The following PDE1A variants were observed in gnomAD, a reference collection of about 807,000 sequenced individuals.
PDE1A encodes phosphodiesterase 1A.
PDE1A carries 35 observed loss-of-function variants against 61.7 expected under a neutral mutation model. The observed-to-expected ratio is 0.57, with a 90% CI of 0.43 to 0.75. The LOEUF (loss-of-function observed/expected upper bound fraction) is 0.75. Among genes scored for constraint, PDE1A ranks in the 30% least tolerant of loss-of-function variants. The pLI is 0.00. For missense variants in PDE1A, 597 were observed against 630.6 expected (o/e 0.95, Z 0.57); for synonymous variants, 232 against 213.2 (o/e 1.09, Z -0.77).
intron 7 of PDE1A, among the ~76,000 whole-genome samples, chr2:182,208,092 G>A (rs1687263313): frequency 6.6e-6 from 1 of 152,232 alleles, no homozygotes; most frequent in Non-Finnish European, 1.5e-5. Context: ...TAGTAGGGCA[G>A]TGTGGAGGGG....
chr2:182,621,289 T>C, the PDE1A span, among the ~76,000 whole-genome samples: 1 of 152,206 alleles, frequency 6.6e-6, no homozygotes, highest in Non-Finnish European at 1.5e-5. Context: ...TAGGAGAATC[T>C]TTTGCTATCT....
intron 2 of PDE1A, among the ~76,000 whole-genome samples, chr2:182,256,667 G>A (rs1488255353): frequency 6.6e-6 from 1 of 152,004 alleles, no homozygotes; most frequent in Non-Finnish European, 1.5e-5. Context: ...ATACACCATG[G>A]AATACTATGC....
chr2:182,328,769 T>A (rs1697213501), intron 1 of PDE1A, among the ~76,000 whole-genome samples: 1 of 152,184 alleles, frequency 6.6e-6, no homozygotes, highest in South Asian at 2.1e-4. Flanking sequence ...CATGAAATAC[T>A]TCTAGAGACT....
At chr2:182,534,223 T>C in the PDE1A span, among the ~76,000 whole-genome samples, 1 of 152,088 alleles carries the variant, frequency 6.6e-6, no homozygotes, top group Non-Finnish European at 1.5e-5. Context: ...CTGCATAGTA[T>C]ACCATCATTT....
At chr2:182,196,310 G>C (rs908311246) in intron 10 of PDE1A, among the ~76,000 whole-genome samples, 9 of 151,878 alleles carry the variant, frequency 5.9e-5, no homozygotes, top group African/African-American at 1.9e-4. Flanking sequence ...TCATGATCCT[G>C]TCAGGTATTC....
At chr2:182,220,050 C>T (rs1018569566) in intron 7 of PDE1A, among the ~76,000 whole-genome samples, 2 of 151,918 alleles carry the variant, frequency 1.3e-5, no homozygotes, top group Non-Finnish European at 2.9e-5. Context: ...TGATAAATGA[C>T]CTACCAGGCA....
intron 1 of PDE1A, among the ~76,000 whole-genome samples, chr2:182,363,824 A>G (rs1559378445): frequency 6.6e-6 from 1 of 152,084 alleles, no homozygotes; most frequent in Non-Finnish European, 1.5e-5. Context: ...TTAGAAATTA[A>G]CAAGGCAATA....
intron 7 of PDE1A, among the ~76,000 whole-genome samples, chr2:182,215,213 C>G (rs1688051956): frequency 1.6e-5 from 1 of 62,850 alleles, no homozygotes; most frequent in Non-Finnish European, 3.2e-5. Flanking sequence ...TTCTTTGAAA[C>G]CAACGAGAAC....
intron 1 of PDE1A, among the ~76,000 whole-genome samples, chr2:182,365,772 T>C (rs1263991333): frequency 1.3e-5 from 2 of 152,080 alleles, no homozygotes; most frequent in African/African-American, 4.8e-5. Context: ...TAAAAATCTC[T>C]ACTTGTTAGC....
chr2:182,427,200 C>T (rs144366423), upstream of PDE1A, among the ~76,000 whole-genome samples: 11 of 152,224 alleles, frequency 7.2e-5, no homozygotes, highest in Admixed American at 2.0e-4. Flanking sequence ...AAGATAGGCT[C>T]GGGTTGCATG....
At chr2:182,211,985 G>C (rs1416074972) in intron 7 of PDE1A, among the ~76,000 whole-genome samples, 2 of 151,936 alleles carry the variant, frequency 1.3e-5, no homozygotes, top group African/African-American at 4.8e-5. Flanking sequence ...TTCATGGGAA[G>C]AGAGAAATTC....
intron 13 of PDE1A, among the ~76,000 whole-genome samples, chr2:182,159,732 A>G (rs1390449730): frequency 6.6e-6 from 1 of 152,164 alleles, no homozygotes; most frequent in Non-Finnish European, 1.5e-5. Context: ...AGGAGAGAGG[A>G]TCACTTGAGT....
the PDE1A span, among the ~76,000 whole-genome samples, chr2:182,606,773 T>G: frequency 6.6e-6 from 1 of 152,266 alleles, no homozygotes; most frequent in Admixed American, 6.5e-5. Flanking sequence ...AAAGTATTCA[T>G]GAGAAAATGG....
the PDE1A span, among the ~76,000 whole-genome samples, chr2:182,640,281 A>C: frequency 6.6e-6 from 1 of 152,258 alleles, no homozygotes; most frequent in African/African-American, 2.4e-5. Context: ...CAGCAAAGAG[A>C]CCATAAATGA....
chr2:182,307,706 T>C (rs1258731521), intron 1 of PDE1A, among the ~76,000 whole-genome samples: 1 of 151,896 alleles, frequency 6.6e-6, no homozygotes, highest in Non-Finnish European at 1.5e-5. Context: ...AGATCCCATC[T>C]CTACCAAAAA....
At chr2:182,287,338 C>T (rs953193136) in intron 1 of PDE1A, among the ~76,000 whole-genome samples, 3 of 152,148 alleles carry the variant, frequency 2.0e-5, no homozygotes, top group Non-Finnish European at 2.9e-5. Context: ...TGTATTTTAA[C>T]ATTCTACATA....
At chr2:182,315,499 G>A (rs935166859) in intron 1 of PDE1A, among the ~76,000 whole-genome samples, 2 of 152,144 alleles carry the variant, frequency 1.3e-5, no homozygotes, top group African/African-American at 4.8e-5. Flanking sequence ...TCCATTCAAG[G>A]AAGCCACACC....
intron 3 of PDE1A, 80 bp downstream of exon 3, chr2:182,240,030 C>A: frequency 8.1e-7 from 1 of 1,227,856 alleles, no homozygotes; most frequent in Non-Finnish European, 1.1e-6. Context: ...GAAATATAGA[C>A]TGCTCATACC....
chr2:182,493,427 C>T (rs1488971774), intron 2 of PDE1A, among the ~76,000 whole-genome samples: 1 of 152,076 alleles, frequency 6.6e-6, no homozygotes, highest in African/African-American at 2.4e-5. Context: ...TGCTATCCCT[C>T]CCCGCCTCCT....
Sources: gnomAD v4.1 joint callset for allele counts (sites outside exome capture counted in the v4.1 genomes callset) on GRCh38, gnomAD v4.1.1 for gene constraint, MANE v1.5 for transcripts, NCBI Gene and HGNC (gene_info 2026-07-23, HGNC 2026-07-21) for gene names.